Variants in CCDC83 observed in about 807,000 individuals in gnomAD.
The protein encoded by CCDC83 is coiled-coil domain containing 83, also known as coiled-coil domain-containing protein 83.
Under a neutral mutation model 50.1 loss-of-function variants are expected in CCDC83, and 54 were observed. The observed-to-expected ratio is 1.08, with a 90% CI of 0.87 to 1.35. The LOEUF (loss-of-function observed/expected upper bound fraction) is 1.35, where lower values mean the gene tolerates loss of function less well. Among genes scored for constraint, CCDC83 ranks in the 40% most tolerant of loss-of-function variants. The pLI, the probability that CCDC83 is intolerant of heterozygous loss-of-function variation, is 0.00. For synonymous variants in CCDC83, 161 were observed against 153.3 expected, an observed-to-expected ratio of 1.05 and a Z score of -0.37; for missense variants, 518 against 473.9, an observed-to-expected ratio of 1.09 and a Z score of -0.86.
At chr11:85,895,876 C>T (rs892191636) in intron 6 of CCDC83, among the ~76,000 whole-genome samples, 2 of 152,210 alleles carry the variant, frequency 1.3e-5, no homozygotes, top group African/African-American at 2.4e-5. Flanking sequence ...TGCAGCGGCA[C>T]AATCACAGCT....
chr11:85,881,594 T>C (rs1334318556), intron 3 of CCDC83, among the ~76,000 whole-genome samples: 1 of 152,038 alleles, frequency 6.6e-6, no homozygotes, highest in Non-Finnish European at 1.5e-5. Context: ...AAATTTTAAA[T>C]TTTTTGTAGA....
chr11:85,884,073 T>C (rs2093314752), intron 4 of CCDC83, among the ~76,000 whole-genome samples: 1 of 152,202 alleles, frequency 6.6e-6, no homozygotes, highest in Non-Finnish European at 1.5e-5. Flanking sequence ...CTGTGCTCGC[T>C]AAACTGCCTT....
chr11:85,915,763 T>C lies in CCDC83; in HGVS notation c.874+265T>C, dbSNP rs545864436. ...AGAGGGATGAGACTGCTGTCTACAC[T>C]GGCAAGGTTTAGGGCCCTATTTAGC... is the stretch of plus-strand genomic sequence containing the variant. On this transcript the variant is annotated intron_variant, in intron 9 of 10. Transcript: ENST00000342404. 2.6e-5 allele frequency among the ~76,000 whole-genome samples: 4 copies of C among 152,314 alleles called. No homozygotes were observed. The South Asian group carries it at 8.3e-4, about 32-fold the overall frequency.
At chr11:85,870,495 G>A (rs1032096793) in intron 2 of CCDC83, among the ~76,000 whole-genome samples, 11 of 151,946 alleles carry the variant, frequency 7.2e-5, no homozygotes, top group Admixed American at 3.9e-4. Context: ...CCTGAAAAAC[G>A]GGAGGTAGAA....
chr11:85,891,394 T>C (rs2093349945), intron 5 of CCDC83, among the ~76,000 whole-genome samples: 1 of 152,116 alleles, frequency 6.6e-6, no homozygotes, highest in Admixed American at 6.6e-5. Context: ...TAGAATGGGA[T>C]ATTGGGATAC....
intron 3 of CCDC83, among the ~76,000 whole-genome samples, chr11:85,876,260 A>G (rs1433234988): frequency 6.6e-6 from 1 of 152,224 alleles, no homozygotes; most frequent in Non-Finnish European, 1.5e-5. Context: ...GCTTCAAATA[A>G]CCATCTATTT....
At chr11:85,875,858 A>C (rs539270358) in intron 3 of CCDC83, among the ~76,000 whole-genome samples, 12 of 152,036 alleles carry the variant, frequency 7.9e-5, no homozygotes, top group Non-Finnish European at 1.5e-4. Context: ...TCTTTCTCTC[A>C]GTTTGCATTC....
At chr11:85,891,181 C>A (rs2093349096) in intron 5 of CCDC83, among the ~76,000 whole-genome samples, 1 of 152,196 alleles carries the variant, frequency 6.6e-6, no homozygotes, top group Admixed American at 6.5e-5. Flanking sequence ...TTGCAGTATT[C>A]TCCAGCCCAT....
At chr11:85,907,846 G>A (rs1318468975) in intron 7 of CCDC83, among the ~76,000 whole-genome samples, 6 of 152,092 alleles carry the variant, frequency 3.9e-5, no homozygotes, top group African/African-American at 1.4e-4. Context: ...CCCAGCTTTC[G>A]AAAGAGACCA....
intron 8 of CCDC83, among the ~76,000 whole-genome samples, chr11:85,913,575 T>C (rs574816913): frequency 3.9e-5 from 6 of 152,336 alleles, no homozygotes; most frequent in African/African-American, 1.4e-4. Context: ...TGATAAGAAA[T>C]AGACATGAAC....
chr11:85,904,474 A>C (rs1008037191), intron 7 of CCDC83, among the ~76,000 whole-genome samples: 1 of 152,206 alleles, frequency 6.6e-6, no homozygotes, highest in Non-Finnish European at 1.5e-5. Flanking sequence ...TTAGATACAA[A>C]GTAGCCACCC....
intron 1 of CCDC83, among the ~76,000 whole-genome samples, chr11:85,861,267 T>C (rs1181516682): frequency 2.0e-5 from 3 of 152,232 alleles, no homozygotes; most frequent in Non-Finnish European, 4.4e-5. Context: ...CTAAGTTAGA[T>C]TGCTCTTTAA....
rs180825319 is a variant in CCDC83 at position 85,895,147 on chromosome 11, C to T, written c.512-146C>T. ...AGATGAAGTCAGACAGAATGCTACC[C>T]GAACAGATAATAAAGTCTTCATACT... is the stretch of plus-strand genomic sequence containing the variant. On this transcript the variant is annotated intron_variant, in intron 5 of 10. Transcript: ENST00000342404. The T allele has an allele frequency of 3.0e-3, 864 of 286,916 alleles. 31 individuals are homozygous for T. Among genetic ancestry groups the T allele is most frequent in the South Asian group, 5.1e-3 (109 of 21,282 alleles). The allele number at this position is 286,916 out of a possible 1,614,324, so 17.8% of individuals were successfully genotyped here. A position where few individuals can be genotyped will look rare whatever the true frequency, so the allele number is the denominator to read the frequency against.
chr11:85,911,489 T>G, intron 8 of CCDC83, 87 bp downstream of exon 8: 1 of 1,185,876 alleles, frequency 8.4e-7, no homozygotes. Flanking sequence ...AAAAGATGAT[T>G]TAATTATTCA....
chr11:85,914,606 C>T (rs2093469132), intron 8 of CCDC83, among the ~76,000 whole-genome samples: 1 of 152,188 alleles, frequency 6.6e-6, no homozygotes, highest in African/African-American at 2.4e-5. Context: ...TATCATTCCG[C>T]ACCTGAAATA....
intron 3 of CCDC83, among the ~76,000 whole-genome samples, chr11:85,881,940 G>A (rs2093302718): frequency 6.6e-6 from 1 of 152,008 alleles, no homozygotes; most frequent in Non-Finnish European, 1.5e-5. Flanking sequence ...GGAAATTTGG[G>A]AAGTTTCCAG....
chr11:85,919,408 G>T lies in CCDC83; in HGVS notation c.1140G>T (p.Met380Ile). The stretch of plus-strand genomic sequence containing the variant: ...TTATGAGTGTGGAGAGCAAGAAAAT[G>T]CCCATTCATTTTCAAGAGAAGGAAA... ...VKLMSVESKK[M>I]PIHFQEKEIP... is the part of the protein sequence containing the mutation. The change falls in exon 11 of 11, where the codon ATG becomes ATT. Residue 380 changes from methionine to isoleucine, a missense_variant. Coordinates refer to ENST00000342404, the MANE Select transcript of CCDC83 (RefSeq NM_001286159.2). The T allele has an allele frequency of 3.1e-6, 5 of 1,613,604 alleles. No homozygotes were observed. The highest frequency in any genetic ancestry group is 4.2e-6 in the Non-Finnish European group (5 of 1,179,682).
chr11:85,909,119 G>A (rs1442123849), intron 7 of CCDC83, among the ~76,000 whole-genome samples: 2 of 151,980 alleles, frequency 1.3e-5, no homozygotes, highest in Non-Finnish European at 2.9e-5. Flanking sequence ...TTTTATTTTT[G>A]GTTTTTGTGT....
In CCDC83 at chr11:85,916,201, T is replaced by A. The variant is rs750547459; in HGVS notation, c.1048T>A (p.Tyr350Asn). 5.0e-5 allele frequency: 81 copies of A among 1,612,040 alleles called. 2 individuals carry two copies. The highest frequency in any genetic ancestry group is 3.3e-4 in the Middle Eastern group (2 of 6,076). The change falls in exon 10 of 11, where the codon TAC (tyrosine) becomes AAC (asparagine). Residue 350 changes from tyrosine to asparagine, a missense_variant. Physicochemically the swap from Tyr to Asn is moderately radical, Grantham distance 143. Transcript: ENST00000342404. ...AGAGTTTGGGGACACTGATATGAAG[T>A]ACTTACTATATGAGGATGAGAAGGA... The part of the protein sequence containing the change: ...GTEFGDTDMK[Y>N]LLYEDEKDFK...
Sources: gnomAD v4.1 joint callset for allele counts (sites outside exome capture counted in the v4.1 genomes callset) on GRCh38, gnomAD v4.1.1 for gene constraint, MANE v1.5 for transcripts, NCBI Gene and HGNC (gene_info 2026-07-23, HGNC 2026-07-21) for gene names.